TMEM72: variants seen among roughly 807,000 people sequenced by gnomAD.
The protein encoded by TMEM72 is kidney-specific secretory protein of 37 kDa.
In TMEM72, 9 loss-of-function variants were observed where a neutral mutation model predicts 16.3. The ratio of observed to expected loss-of-function variants is 0.55; its 90% CI spans 0.33 to 0.96. TMEM72 has a LOEUF of 0.96. Ranked by LOEUF, TMEM72 falls within the 40% of genes least tolerant of loss-of-function variation. The pLI, the probability that TMEM72 is intolerant of heterozygous loss-of-function variation, is 0.03. For synonymous variants in TMEM72, 160 were observed against 146.5 expected (o/e 1.09, Z -0.66); for missense variants, 324 against 337.8 (o/e 0.96, Z 0.32).
intron 1 of TMEM72, among the ~76,000 whole-genome samples, chr10:44,917,196 T>C (rs7923091): frequency 0.78 from 119,355 of 152,096 alleles, 47,666 homozygotes; most frequent in African/African-American, 0.89. Context: ...CCTGGGACAA[T>C]CACTGTATCT....
intron 1 of TMEM72, among the ~76,000 whole-genome samples, chr10:44,912,497 C>T (rs191343341): frequency 3.9e-5 from 6 of 152,334 alleles, no homozygotes; most frequent in Admixed American, 3.3e-4. Context: ...AGCTTACCCA[C>T]GGGTCTTACC....
At chr10:44,928,055 T>G (rs1840228554) in intron 2 of TMEM72, 68 bp downstream of exon 2, 2 of 1,542,818 alleles carry the variant, frequency 1.3e-6, no homozygotes, top group Admixed American at 1.7e-5. Context: ...ATCTGTCTAC[T>G]CAGAATAACT....
chr10:44,934,561 C>A, intron 4 of TMEM72, 95 bp from the exon 5 acceptor site: 4 of 1,283,460 alleles, frequency 3.1e-6, no homozygotes, highest in Non-Finnish European at 4.2e-6. Context: ...CCACACAGCG[C>A]CGGGTTGCAG....
Position 44,935,144 on chromosome 10 carries a change from C to G in TMEM72, c.*10C>G, listed in dbSNP as rs1445151289. 1 of 1,560,584 alleles carries G rather than the reference C, an allele frequency of 6.4e-7. No individual in the cohort carries two copies. The highest frequency in any genetic ancestry group is 8.7e-7 in the Non-Finnish European group (1 of 1,153,238). ...CACCGGCCTGTTCTGAGCGCTTGCT[C>G]CAGCCTGGAGGACGCTCAGTGAGGG... is the stretch of plus-strand genomic sequence containing the variant. On this transcript the variant is annotated 3_prime_UTR_variant, in exon 5 of 5. Coordinates refer to ENST00000389583, the MANE Select transcript of TMEM72 (RefSeq NM_001123376.3).
intron 4 of TMEM72, among the ~76,000 whole-genome samples, 182 bp from the exon 5 acceptor site, chr10:44,934,474 A>T (rs925284293): frequency 2.0e-5 from 3 of 152,104 alleles, no homozygotes; most frequent in African/African-American, 7.2e-5. Context: ...CCAGCCTCCA[A>T]GTGGACCCCC....
intron 2 of TMEM72, among the ~76,000 whole-genome samples, chr10:44,930,516 G>T (rs1326712881): frequency 2.0e-5 from 3 of 152,098 alleles, no homozygotes; most frequent in African/African-American, 7.2e-5. Context: ...ATATAATATA[G>T]TACTTATTAT....
At chr10:44,919,360 A>C (rs561454743) in intron 1 of TMEM72, among the ~76,000 whole-genome samples, 9 of 152,328 alleles carry the variant, frequency 5.9e-5, no homozygotes, top group Non-Finnish European at 1.0e-4. Flanking sequence ...AATTTTATTC[A>C]CAGATGACGT....
At chr10:44,921,211 C>A (rs1393175917) in intron 1 of TMEM72, among the ~76,000 whole-genome samples, 1 of 152,186 alleles carries the variant, frequency 6.6e-6, no homozygotes, top group Non-Finnish European at 1.5e-5. Flanking sequence ...AGGTGCGATG[C>A]AAGGCACCTC....
At chr10:44,927,660 G>C (rs1376712098) in intron 1 of TMEM72, among the ~76,000 whole-genome samples, 1 of 152,252 alleles carries the variant, frequency 6.6e-6, no homozygotes, top group Non-Finnish European at 1.5e-5. Context: ...GCAGTTGCTG[G>C]GGGCACTAAG....
chr10:44,926,561 C>A (rs1840196623), intron 1 of TMEM72, among the ~76,000 whole-genome samples: 1 of 152,124 alleles, frequency 6.6e-6, no homozygotes, highest in African/African-American at 2.4e-5. Context: ...TGTCCTCGCC[C>A]CAGGTGAGCC....
intron 1 of TMEM72, among the ~76,000 whole-genome samples, chr10:44,914,715 C>A (rs1839988566): frequency 6.6e-6 from 1 of 152,192 alleles, no homozygotes; most frequent in African/African-American, 2.4e-5. Context: ...CAGCACAGAC[C>A]AAATGGCAGG....
At chr10:44,919,952 G>C (rs1840069473) in intron 1 of TMEM72, 1 of 152,214 alleles carries the variant, frequency 6.6e-6, no homozygotes, top group Non-Finnish European at 1.5e-5. Flanking sequence ...CACAGCAACT[G>C]TTTCCAGCAA....
chr10:44,933,128 C>G (rs1840330805), intron 3 of TMEM72, among the ~76,000 whole-genome samples: 1 of 152,208 alleles, frequency 6.6e-6, no homozygotes, highest in Non-Finnish European at 1.5e-5. Flanking sequence ...ATGTGTGGTC[C>G]CTGTGTATAC....
intron 3 of TMEM72, 57 bp from the exon 4 acceptor site, chr10:44,933,580 A>G (rs2132731134): frequency 6.4e-7 from 1 of 1,569,826 alleles, no homozygotes. Flanking sequence ...CATGGCATCC[A>G]GTCTTGCTGG....
At position 44,931,822 on chromosome 10, in the gene TMEM72, C is replaced by A. The variant is rs872207; in HGVS notation, c.138-176C>A. The A allele has an allele frequency of 0.016, 10,666 of 659,606 alleles. 857 individuals carry two copies. In the African/African-American group the frequency reaches 0.17, roughly 11 times the overall value. The allele number at this position is 659,606 out of a possible 1,614,324, so 40.9% of individuals were successfully genotyped here. A position where few individuals can be genotyped will look rare whatever the true frequency, so the allele number is the denominator to read the frequency against. On this transcript the variant is annotated intron_variant, in intron 2 of 4. Transcript: ENST00000389583. ...AGACCCCACCTCTCCCCAGCATGGC[C>A]CAGTCCGGAACACGCCATGTCCTGG...
rs1840382604 is a variant in TMEM72 at position 44,935,276 on chromosome 10, G to A, written c.*142G>A. On this transcript the variant is annotated 3_prime_UTR_variant, in exon 5 of 5. Transcript: ENST00000389583. ...ACTGGCTGGGCCCCTGAGGCCATCA[G>A]GAGGTGTGACTGGCCAGCATTTCTG... 2.6e-6 allele frequency: 2 copies of A among 778,386 alleles called. No individual in the cohort carries two copies. Among genetic ancestry groups the A allele is most frequent in the South Asian group, 2.2e-5 (1 of 45,166 alleles). The allele number at this position is 778,386 out of a possible 1,614,324, so 48.2% of individuals were successfully genotyped here.
At chr10:44,931,004 A>G (rs753171864) in intron 2 of TMEM72, among the ~76,000 whole-genome samples, 30 of 152,196 alleles carry the variant, frequency 2.0e-4, no homozygotes, top group Non-Finnish European at 2.5e-4. Context: ...ATGGAGCCCA[A>G]TAAGCCCGAC....
Position 44,911,422 on chromosome 10 carries a change from C to G in TMEM72, c.-91C>G, listed in dbSNP as rs1321580607. The G allele has an allele frequency of 1.5e-6, 2 of 1,366,080 alleles. No homozygotes were observed. The highest frequency in any genetic ancestry group is 2.5e-5 in the East Asian group (1 of 39,540). The allele number at this position is 1,366,080 out of a possible 1,614,324, so 84.6% of individuals were successfully genotyped here. A position where few individuals can be genotyped will look rare whatever the true frequency, so the allele number is the denominator to read the frequency against. On this transcript the variant is annotated 5_prime_UTR_variant, in exon 1 of 5. Transcript: ENST00000389583. The stretch of plus-strand genomic sequence containing the variant: ...CCCGGTGTGCAGCCACAGCCAGCAG[C>G]CTCCTACCTACACAAGGGTGTTCGG...
chr10:44,913,545 T>C (rs1317284525), intron 1 of TMEM72, among the ~76,000 whole-genome samples: 3 of 152,134 alleles, frequency 2.0e-5, no homozygotes, highest in Non-Finnish European at 4.4e-5. Context: ...GGACTGCTGT[T>C]AATGCTGAGA....
Sources: allele counts gnomAD v4.1 joint callset (sites outside exome capture counted in the v4.1 genomes callset), GRCh38; gene constraint gnomAD v4.1.1; transcripts MANE v1.5; gene names NCBI Gene and HGNC (gene_info 2026-07-23, HGNC 2026-07-21).